Variants in LYRM4 observed in about 807,000 individuals in gnomAD.
LYRM4 encodes the protein LYR motif-containing protein 4.
In LYRM4, 9 loss-of-function variants were observed where a neutral mutation model predicts 11.7. That is an observed-to-expected ratio of 0.77 (90% confidence interval 0.46 to 1.34). The LOEUF (loss-of-function observed/expected upper bound fraction) is 1.34, where lower values mean the gene tolerates loss of function less well. Ranked by LOEUF, LYRM4 falls within the 40% of genes most tolerant of loss-of-function variation. The pLI is 0.00. For synonymous variants in LYRM4, 42 were observed against 40.4 expected (o/e 1.04, Z -0.15); for missense variants, 133 against 112.5 (o/e 1.18, Z -0.82).
At chr6:5,165,407 T>C (rs951765910) in intron 2 of LYRM4, among the ~76,000 whole-genome samples, 6 of 152,264 alleles carry the variant, frequency 3.9e-5, no homozygotes, top group Admixed American at 3.9e-4. Context: ...CTAATTTGTT[T>C]TTCTCTAGTT....
chr6:5,118,017 A>G (rs375064), intron 2 of LYRM4, among the ~76,000 whole-genome samples: 88,359 of 149,248 alleles, frequency 0.59, 26,895 homozygotes, highest in East Asian at 0.88. Flanking sequence ...GCACTTTCCT[A>G]AGATAGCTAC....
Position 5,229,545 on chromosome 6 carries a change from T to C in LYRM4, c.87-12807A>G, listed in dbSNP as rs189322416. On this transcript the variant is annotated intron_variant, in intron 1 of 2. Transcript: ENST00000330636. ...ATTTCTTCCTCCACAGTTAGAAAAT[T>C]CCCAAAGCCCCAGCTCCTGTGACTT... Among the ~76,000 whole-genome samples the C allele has an allele frequency of 2.6e-5, 4 of 152,256 alleles. No individual in the cohort carries two copies. In the East Asian group the frequency reaches 7.7e-4, roughly 29 times the overall value.
chr6:5,109,177 G>A lies in LYRM4; in HGVS notation c.*246C>T, dbSNP rs2127592615. 3.0e-6 allele frequency: 4 copies of A among 1,353,726 alleles called. No individual in the cohort carries two copies. Among genetic ancestry groups the A allele is most frequent in the East Asian group, 5.4e-5 (2 of 37,040 alleles). The allele number at this position is 1,353,726 out of a possible 1,614,324, so 83.9% of individuals were successfully genotyped here. A position where few individuals can be genotyped will look rare whatever the true frequency, so the allele number is the denominator to read the frequency against. ...GGTAGGAATGGGGTGCAGGGGAGAC[G>A]TGGTAACACACAGCACTATTCTGAA... On this transcript the variant is annotated 3_prime_UTR_variant, in exon 3 of 3. Transcript: ENST00000330636.
chr6:5,057,703 A>G, the LYRM4 span, among the ~76,000 whole-genome samples: 2 of 150,592 alleles, frequency 1.3e-5, no homozygotes, highest in African/African-American at 4.9e-5. Flanking sequence ...CGACAGAGCG[A>G]GACTCCATCT....
chr6:5,165,189 A>C (rs1389845564), intron 2 of LYRM4, among the ~76,000 whole-genome samples: 1 of 152,222 alleles, frequency 6.6e-6, no homozygotes, highest in African/African-American at 2.4e-5. Context: ...CCATATTCCC[A>C]GTTTCAATCA....
At chr6:5,189,168 CTTG>C (rs929799584) in intron 2 of LYRM4, among the ~76,000 whole-genome samples, 12 of 152,370 alleles carry the variant, frequency 7.9e-5, no homozygotes, top group Admixed American at 7.8e-4. Context: ...TTGCTAACAT[CTTG>C]TTTTTAGATT....
downstream of LYRM4, among the ~76,000 whole-genome samples, chr6:5,099,514 A>G (rs186998799): frequency 6.6e-6 from 1 of 152,104 alleles, no homozygotes; most frequent in Non-Finnish European, 1.5e-5. This position sits in a 1 kb window ranked among gnomAD's most constrained non-coding sequence, Gnocchi z 4.3. Flanking sequence ...TGGCCTCCCA[A>G]AGTGCTGGGA....
chr6:5,042,055 G>A, the LYRM4 span, among the ~76,000 whole-genome samples: 3 of 152,162 alleles, frequency 2.0e-5, no homozygotes, highest in Admixed American at 2.0e-4. Context: ...GATCTAAGAT[G>A]CAATTGTATG....
chr6:5,248,857 C>T (rs1030900271), intron 1 of LYRM4, among the ~76,000 whole-genome samples: 3 of 152,240 alleles, frequency 2.0e-5, no homozygotes, highest in Non-Finnish European at 4.4e-5. Flanking sequence ...TTTATCTCTG[C>T]ATCCTCAGCA....
intron 1 of LYRM4, among the ~76,000 whole-genome samples, chr6:5,224,881 A>G (rs1294064818): frequency 6.6e-6 from 1 of 151,846 alleles, no homozygotes; most frequent in Non-Finnish European, 1.5e-5. Flanking sequence ...AACCACTTGA[A>G]CCTCGGAGGC....
At chr6:5,072,235 A>T in the LYRM4 span, among the ~76,000 whole-genome samples, 10 of 152,142 alleles carry the variant, frequency 6.6e-5, no homozygotes, top group Non-Finnish European at 2.9e-5. Context: ...ATTGATGGGC[A>T]TTTAGGTTGA....
chr6:5,148,683 CT>C lies in LYRM4; in HGVS notation c.208-39193del, dbSNP rs1757920278. On this transcript the variant is annotated intron_variant, in intron 2 of 2. Transcript: ENST00000330636. ...CACACCTCTCTCTCTCTCTCTCTCT[CT>C]GCTTATAGTGACTGAGAAATCAGCT... Among the ~76,000 whole-genome samples, 11 of 145,808 alleles carry C rather than the reference CT, an allele frequency of 7.5e-5. No individual in the cohort carries two copies. In the South Asian group the frequency reaches 2.4e-3, roughly 32 times the overall value.
chr6:5,190,466 T>C (rs1760688615), intron 2 of LYRM4, among the ~76,000 whole-genome samples: 1 of 152,214 alleles, frequency 6.6e-6, no homozygotes, highest in Non-Finnish European at 1.5e-5. Context: ...AAATGATATT[T>C]ATTTAATTAA....
At chr6:5,237,752 T>C (rs757919454) in intron 1 of LYRM4, among the ~76,000 whole-genome samples, 48 of 152,168 alleles carry the variant, frequency 3.2e-4, no homozygotes, top group Non-Finnish European at 5.7e-4. Context: ...ACCTGCAATT[T>C]TGGTTACCTG....
intron 1 of LYRM4, among the ~76,000 whole-genome samples, chr6:5,217,139 C>G (rs892772667): frequency 3.3e-5 from 5 of 152,152 alleles, no homozygotes; most frequent in Non-Finnish European, 5.9e-5. Flanking sequence ...GGCGACAATG[C>G]GAGACCCTGT....
intron 2 of LYRM4, among the ~76,000 whole-genome samples, chr6:5,145,552 C>A (rs1757674072): frequency 6.6e-6 from 1 of 152,164 alleles, no homozygotes; most frequent in Non-Finnish European, 1.5e-5. Context: ...GGCCCTCTAC[C>A]CACCAAGTAA....
chr6:5,197,843 A>T (rs1199020263), intron 2 of LYRM4, among the ~76,000 whole-genome samples: 1 of 151,860 alleles, frequency 6.6e-6, no homozygotes, highest in Non-Finnish European at 1.5e-5. Context: ...TTACTGAGAA[A>T]TGGAGGAACT....
intron 1 of LYRM4, among the ~76,000 whole-genome samples, chr6:5,231,433 T>C (rs990133077): frequency 4.6e-5 from 7 of 152,154 alleles, no homozygotes; most frequent in African/African-American, 9.7e-5. Context: ...CCTCAATCCC[T>C]GAATACTGGA....
the LYRM4 span, chr6:5,088,724 T>C: frequency 6.6e-6 from 1 of 152,262 alleles, no homozygotes; most frequent in Non-Finnish European, 1.5e-5. Context: ...TAGTGAGCTT[T>C]TGCCACTTGA....
Sources: gnomAD v4.1 joint callset for allele counts (sites outside exome capture counted in the v4.1 genomes callset) on GRCh38, gnomAD v4.1.1 for gene constraint, Gnocchi (gnomAD v3.1) non-coding constraint, MANE v1.5 for transcripts, NCBI Gene and HGNC (gene_info 2026-07-23, HGNC 2026-07-21) for gene names.